Variants in ANKFY1 observed in about 807,000 individuals in gnomAD.
The protein encoded by ANKFY1 is ankyrin repeat and FYVE domain-containing protein 1.
In ANKFY1, 47 loss-of-function variants were observed where a neutral mutation model predicts 128.3. The observed-to-expected ratio is 0.37, with a 90% CI of 0.29 to 0.47. The LOEUF (loss-of-function observed/expected upper bound fraction) is 0.47. Ranked by LOEUF, ANKFY1 falls within the 20% of genes least tolerant of loss-of-function variation. The probability of loss-of-function intolerance (pLI) is 1.00; values close to 1 mark genes in which losing one functional copy is unlikely to be tolerated. For missense variants in ANKFY1, 1,222 were observed against 1,510.6 expected (o/e 0.81, Z 3.17); for synonymous variants, 553 against 601.6 (o/e 0.92, Z 1.18).
At chr17:4,261,059 T>G (rs1431850523) in intron 1 of ANKFY1, among the ~76,000 whole-genome samples, 1 of 152,234 alleles carries the variant, frequency 6.6e-6, no homozygotes, top group Non-Finnish European at 1.5e-5. Context: ...TACCTAATCT[T>G]GCCTTCCTTT....
chr17:4,188,869 G>GGA (rs1491183967), intron 11 of ANKFY1: 4 of 126,922 alleles, frequency 3.2e-5, no homozygotes, highest in Non-Finnish European at 6.5e-5. Flanking sequence ...TGTGTCTCAA[G>GGA]AAAAAAAAAA....
In ANKFY1 at chr17:4,249,110, A is replaced by C. The variant is rs546388243; in HGVS notation, c.11-6662T>G. On this transcript the variant is annotated intron_variant, in intron 1 of 24. Coordinates refer to ENST00000341657, the MANE Select transcript of ANKFY1 (RefSeq NM_001330063.2). ...ATTACCTCTTCAGAAGTTATATGGCACAGTCAGAAGAGAAACCAAGAATGA... is the reference window on the plus strand; with the variant it reads ...ATTACCTCTTCAGAAGTTATATGGCCCAGTCAGAAGAGAAACCAAGAATGA... 1.4e-4 allele frequency: 141 copies of C among 985,202 alleles called. No homozygotes were observed. In the African/African-American group the frequency reaches 2.4e-3, roughly 17 times the overall value. 61.0% of individuals were successfully genotyped at this position (985,202 alleles called of 1,614,324 possible).
chr17:4,199,614 A>T (rs1399939214), intron 7 of ANKFY1, among the ~76,000 whole-genome samples: 6 of 152,268 alleles, frequency 3.9e-5, no homozygotes, highest in African/African-American at 1.4e-4. Context: ...TGTTAATGGT[A>T]CACATTTGTG....
rs1400404730 is a variant in ANKFY1, at chr17:4,170,785, C to T, written c.3216G>A (p.Val1072=). ...AGATGTTGACTCCCTGGTTGTTATTCACCCCGAGGCGAGCCCCCGACCGGA... is the reference window on the plus strand; with the variant it reads ...AGATGTTGACTCCCTGGTTGTTATTTACCCCGAGGCGAGCCCCCGACCGGA... ...AIVRSGARLG[V]NNNQGVNIFN... is the part of the protein sequence containing the mutation. The change falls in exon 23 of 25, where the codon GTG becomes GTA. Residue 1072 remains valine, a synonymous_variant. Coordinates refer to ENST00000341657, the MANE Select transcript of ANKFY1 (RefSeq NM_001330063.2). 6.2e-7 allele frequency: 1 copy of T among 1,614,048 alleles called. No homozygotes were observed. The highest frequency in any genetic ancestry group is 1.7e-5 in the Admixed American group (1 of 59,994).
At chr17:4,223,887 A>G (rs771449265) in intron 3 of ANKFY1, 20 of 721,478 alleles carry the variant, frequency 2.8e-5, no homozygotes, top group Admixed American at 5.3e-5. Context: ...GATGCTTTGT[A>G]TCTAACACCA....
In ANKFY1 at chr17:4,184,827, C is replaced by G; in HGVS notation, c.1690G>C (p.Glu564Gln). 6.2e-7 allele frequency: 1 copy of G among 1,613,128 alleles called. No homozygotes were observed. Among genetic ancestry groups the G allele is most frequent in the Non-Finnish European group, 8.5e-7 (1 of 1,179,976 alleles). The change falls in exon 12 of 25, where the codon GAG becomes CAG. Residue 564 changes from glutamate to glutamine, a missense_variant. Glu to Gln is a conservative substitution (Grantham distance 29). Transcript: ENST00000341657. ...NHPDVVSVILEQKANALHATN... is the reference protein window; with the variant it reads ...NHPDVVSVILQQKANALHATN... ...ATTCCCACTTACTTACCTTTCTGCT[C>G]CAGGATGACAGACACCACATCCGGA...
rs1217888927 is a variant in ANKFY1, at chr17:4,194,453, TC to T, written c.1372+524del. 5 of 122,284 alleles carry T rather than the reference TC, an allele frequency of 4.1e-5. No individual in the cohort carries two copies. The East Asian group carries it at 1.3e-3, about 31-fold the overall frequency. 7.6% of individuals were successfully genotyped at this position (122,284 alleles called of 1,614,324 possible). A position where few individuals can be genotyped will look rare whatever the true frequency, so the allele number is the denominator to read the frequency against. On this transcript the variant is annotated intron_variant, in intron 10 of 24. Transcript: ENST00000341657. Reference sequence around the variant, plus strand: ...CTTTAGGGAAAGGGCTGTTTTAATATCCATCTTTTTTTTTTTTTTTTTTTTT... The same window carrying T: ...CTTTAGGGAAAGGGCTGTTTTAATATCATCTTTTTTTTTTTTTTTTTTTTT...
intron 1 of ANKFY1, among the ~76,000 whole-genome samples, chr17:4,253,379 T>C (rs552113104): frequency 6.6e-6 from 1 of 152,334 alleles, no homozygotes; most frequent in South Asian, 2.1e-4. Flanking sequence ...GTGCTGGTGG[T>C]TATATGACTG....
In ANKFY1 at chr17:4,263,534, C is replaced by A. The variant is rs1308272702; in HGVS notation, c.10+398G>T. The A allele has an allele frequency of 4.6e-6, 7 of 1,517,348 alleles. No homozygotes were observed. In the Admixed American group the frequency reaches 1.4e-4, roughly 30 times the overall value. The allele number at this position is 1,517,348 out of a possible 1,614,324, so 94.0% of individuals were successfully genotyped here. On this transcript the variant is annotated intron_variant, in intron 1 of 24. Coordinates refer to ENST00000341657, the MANE Select transcript of ANKFY1 (RefSeq NM_001330063.2). ...CGCTCTTCCGCAAGCGAGGGATGGA[C>A]CCCTTCCGGATGCAGAACGTGCCAG... is the stretch of plus-strand genomic sequence containing the variant.
Position 4,214,325 on chromosome 17 carries a change from T to C in ANKFY1, c.458+2658A>G, listed in dbSNP as rs187464711. 7.2e-5 allele frequency among the ~76,000 whole-genome samples: 11 copies of C among 152,316 alleles called. No individual in the cohort carries two copies. In the East Asian group the frequency reaches 2.1e-3, roughly 29 times the overall value. On this transcript the variant is annotated intron_variant, in intron 4 of 24. Coordinates refer to ENST00000341657, the MANE Select transcript of ANKFY1 (RefSeq NM_001330063.2). Reference sequence around the variant, plus strand: ...TCCAGAGTGCCATTTGCCATTTGGATAGATTATAAATAGTAACTGACATGA... The same window carrying C: ...TCCAGAGTGCCATTTGCCATTTGGACAGATTATAAATAGTAACTGACATGA...
At chr17:4,240,469 G>A (rs1309142620) in intron 2 of ANKFY1, among the ~76,000 whole-genome samples, 2 of 151,336 alleles carry the variant, frequency 1.3e-5, no homozygotes, top group African/African-American at 4.9e-5. Context: ...TCAGCTCACT[G>A]CAACTTCCAC....
chr17:4,190,664 A>G (rs966056196), intron 10 of ANKFY1, among the ~76,000 whole-genome samples: 5 of 152,310 alleles, frequency 3.3e-5, no homozygotes, highest in South Asian at 4.1e-4. Flanking sequence ...ACTCTTTTCT[A>G]AATAAAAACC....
At chr17:4,235,990 C>A in intron 2 of ANKFY1, 100 bp from the exon 3 acceptor site, 1 of 807,860 alleles carries the variant, frequency 1.2e-6, no homozygotes, top group South Asian at 1.6e-5. Flanking sequence ...CATCAACATA[C>A]ATCTGCAAAA....
rs1426324179 is a variant in ANKFY1 at position 4,167,198 on chromosome 17, T to TAAGAAAGATTTCACCTTTTTAA, written c.*559_*580dup. 1 of 152,636 alleles carries TAAGAAAGATTTCACCTTTTTAA rather than the reference T, an allele frequency of 6.6e-6. No individual in the cohort carries two copies. The highest frequency in any genetic ancestry group is 2.4e-5 in the African/African-American group (1 of 41,446). 9.5% of individuals were successfully genotyped at this position (152,636 alleles called of 1,614,324 possible). ...TTCAGCTCTCATCTTTGAACCCTGT[T>TAAGAAAGATTTCACCTTTTTAA]AAGAAAGATTTCACCTTTTTAAAAG... On this transcript the variant is annotated 3_prime_UTR_variant, in exon 25 of 25. Coordinates refer to ENST00000341657, the MANE Select transcript of ANKFY1 (RefSeq NM_001330063.2). The surrounding 1 kb of genome is among the most constrained non-coding windows in gnomAD (Gnocchi z 4.1).
rs1022421365 is a variant in ANKFY1 at position 4,198,335 on chromosome 17, C to T, written c.899-758G>A. On this transcript the variant is annotated intron_variant, in intron 7 of 24. Transcript: ENST00000341657. ...ATTCACGTTCCTACTCAGAGTAATC[C>T]CATGTCTGTTTTATTATTATAAAAT... Among the ~76,000 whole-genome samples the T allele has an allele frequency of 4.6e-5, 7 of 151,934 alleles. 1 individual carries two copies. Among genetic ancestry groups the T allele is most frequent in the South Asian group, 4.2e-4 (2 of 4,808 alleles).
chr17:4,240,444 T>G (rs1216700496), intron 2 of ANKFY1, among the ~76,000 whole-genome samples: 1 of 151,434 alleles, frequency 6.6e-6, no homozygotes, highest in Non-Finnish European at 1.5e-5. Flanking sequence ...CAGGCTGGAG[T>G]GCAGTGGCAC....
At chr17:4,201,016 A>C (rs7218203) in intron 7 of ANKFY1, among the ~76,000 whole-genome samples, 4,144 of 152,106 alleles carry the variant, frequency 0.027, 199 homozygotes, top group African/African-American at 0.093. Flanking sequence ...GAAATTAGAA[A>C]ATCATTTGCT....
intron 7 of ANKFY1, 130 bp from the exon 8 acceptor site, chr17:4,197,707 G>C (rs1376258664): frequency 3.7e-6 from 3 of 810,898 alleles, no homozygotes; most frequent in Non-Finnish European, 4.0e-6. Flanking sequence ...GAACCTCTTG[G>C]GGCATCTGTA....
chr17:4,239,656 A>C (rs1967100047), intron 2 of ANKFY1, among the ~76,000 whole-genome samples: 1 of 152,068 alleles, frequency 6.6e-6, no homozygotes, highest in Admixed American at 6.6e-5. Context: ...CTTCTGCCTC[A>C]ACCTCCTGAG....
Sources: allele counts gnomAD v4.1 joint callset (sites outside exome capture counted in the v4.1 genomes callset), GRCh38; gene constraint gnomAD v4.1.1; non-coding constraint Gnocchi (gnomAD v3.1); transcripts MANE v1.5; gene names NCBI Gene and HGNC (gene_info 2026-07-23, HGNC 2026-07-21).